Variants in BBX observed in about 807,000 individuals in gnomAD.
BBX encodes the protein HMG box transcription factor BBX.
BBX carries 30 observed loss-of-function variants against 100.2 expected under a neutral mutation model. The ratio of observed to expected loss-of-function variants is 0.30; its 90% confidence interval spans 0.22 to 0.41. The LOEUF is 0.41. BBX is among the 10% of genes least tolerant of loss of function. The probability of loss-of-function intolerance (pLI) is 1.00; values close to 1 mark genes in which losing one functional copy is unlikely to be tolerated. For synonymous variants in BBX, 376 were observed against 388.1 expected, an observed-to-expected ratio of 0.97 and a Z score of 0.37; for missense variants, 1,023 against 1,129.8, an observed-to-expected ratio of 0.91 and a Z score of 1.35.
intron 3 of BBX, among the ~76,000 whole-genome samples, chr3:107,690,892 C>CCCT (rs1553769848): frequency 7.3e-5 from 3 of 41,188 alleles, no homozygotes; most frequent in Non-Finnish European, 1.2e-4. Context: ...GCCCCCCCCC[C>CCCT]TTTTTTTTTT....
intron 3 of BBX, among the ~76,000 whole-genome samples, chr3:107,697,437 G>A (rs998115120): frequency 4.6e-5 from 7 of 151,804 alleles, no homozygotes; most frequent in Middle Eastern, 3.2e-3. Context: ...TCAGCTGCAG[G>A]TCTGTTGGAG....
intron 3 of BBX, among the ~76,000 whole-genome samples, chr3:107,707,680 A>T (rs926745155): frequency 2.0e-5 from 3 of 152,172 alleles, no homozygotes; most frequent in African/African-American, 7.2e-5. Flanking sequence ...GTGGTATGTG[A>T]GCTACGTGGG....
At chr3:107,614,339 AAC>A (rs1429398055) in intron 2 of BBX, among the ~76,000 whole-genome samples, 9 of 152,194 alleles carry the variant, frequency 5.9e-5, no homozygotes, top group African/African-American at 2.2e-4. Context: ...CATAAGAAGT[AAC>A]AGTTATAGTT....
At chr3:107,652,606 A>G (rs2057905188) in intron 3 of BBX, among the ~76,000 whole-genome samples, 1 of 152,196 alleles carries the variant, frequency 6.6e-6, no homozygotes, top group Non-Finnish European at 1.5e-5. Flanking sequence ...CTAGTTGAGG[A>G]CAGTATGAAT....
intron 3 of BBX, among the ~76,000 whole-genome samples, chr3:107,700,251 G>A (rs1451300961): frequency 4.0e-5 from 6 of 151,692 alleles, no homozygotes; most frequent in Non-Finnish European, 8.8e-5. Context: ...GATTGGGAGT[G>A]TGGTGAGGGA....
intron 2 of BBX, among the ~76,000 whole-genome samples, chr3:107,580,322 G>A (rs1472132772): frequency 6.6e-6 from 1 of 151,950 alleles, no homozygotes. Flanking sequence ...CTTTTGGACA[G>A]AATATGAATT....
At chr3:107,630,222 A>G (rs1471834593) in intron 2 of BBX, among the ~76,000 whole-genome samples, 1 of 152,182 alleles carries the variant, frequency 6.6e-6, no homozygotes, top group Non-Finnish European at 1.5e-5. Context: ...ATGTGTGGTT[A>G]TCTGCATATT....
At chr3:107,723,941 G>A (rs1427728001) in intron 5 of BBX, among the ~76,000 whole-genome samples, 2 of 152,156 alleles carry the variant, frequency 1.3e-5, no homozygotes, top group Non-Finnish European at 2.9e-5. Context: ...TGGGATGGCT[G>A]GGTCAAATGG....
chr3:107,736,751 A>G (rs1202898289), intron 7 of BBX, among the ~76,000 whole-genome samples: 4 of 152,144 alleles, frequency 2.6e-5, no homozygotes, highest in Non-Finnish European at 5.9e-5. Context: ...CATGTATACA[A>G]CAACTTGGAT....
At chr3:107,759,542 A>G (rs993438242) in intron 10 of BBX, among the ~76,000 whole-genome samples, 21 of 152,340 alleles carry the variant, frequency 1.4e-4, no homozygotes, top group African/African-American at 4.8e-4. Flanking sequence ...AGGGTCAGAG[A>G]TATCTGAACC....
intron 2 of BBX, among the ~76,000 whole-genome samples, chr3:107,578,970 T>C (rs1047478857): frequency 4.6e-5 from 7 of 152,170 alleles, no homozygotes; most frequent in African/African-American, 1.4e-4. Context: ...GATTTAAATA[T>C]TGGCCCACTA....
intron 3 of BBX, among the ~76,000 whole-genome samples, chr3:107,693,872 C>A (rs1288700551): frequency 7.4e-5 from 11 of 149,144 alleles, no homozygotes; most frequent in African/African-American, 2.3e-4. Flanking sequence ...CTTTTATTTC[C>A]TTGAGCAGTG....
intron 2 of BBX, among the ~76,000 whole-genome samples, chr3:107,547,867 A>G (rs1317312071): frequency 2.0e-5 from 3 of 152,060 alleles, no homozygotes; most frequent in Non-Finnish European, 4.4e-5. Context: ...TGAGTAACTT[A>G]GGTGGAATCA....
At chr3:107,795,613 C>CTTTTTTTTTTT (rs1158136233) in intron 15 of BBX, among the ~76,000 whole-genome samples, 4 of 60,002 alleles carry the variant, frequency 6.7e-5, no homozygotes, top group African/African-American at 1.5e-4. Context: ...CCGACGTAGT[C>CTTTTTTTTTTT]TTTTTTTTTT....
chr3:107,534,545 C>T (rs574450138), intron 2 of BBX, among the ~76,000 whole-genome samples: 9 of 151,892 alleles, frequency 5.9e-5, no homozygotes, highest in African/African-American at 1.9e-4. Flanking sequence ...TAATGTGCAT[C>T]TGTGATACTG....
At chr3:107,669,861 C>T (rs1576265643) in intron 3 of BBX, among the ~76,000 whole-genome samples, 1 of 152,126 alleles carries the variant, frequency 6.6e-6, no homozygotes, top group Non-Finnish European at 1.5e-5. Flanking sequence ...GGTCAAAATT[C>T]ATAGCCAGGC....
intron 13 of BBX, among the ~76,000 whole-genome samples, chr3:107,787,718 G>A (rs981304562): frequency 6.6e-6 from 1 of 152,166 alleles, no homozygotes. Flanking sequence ...TGATGGGCAT[G>A]GGGTTGGCTT....
intron 6 of BBX, among the ~76,000 whole-genome samples, chr3:107,729,260 C>T (rs1327991935): frequency 1.3e-5 from 2 of 152,074 alleles, no homozygotes; most frequent in East Asian, 3.9e-4. Context: ...TTTATGTTCA[C>T]AAAATAGCTT....
intron 2 of BBX, among the ~76,000 whole-genome samples, chr3:107,550,080 C>A (rs1285469796): frequency 6.6e-6 from 1 of 151,938 alleles, no homozygotes; most frequent in African/African-American, 2.4e-5. Context: ...TGAGCATCTC[C>A]TGTATTCTAG....
Sources: gnomAD v4.1 joint callset for allele counts (sites outside exome capture counted in the v4.1 genomes callset) on GRCh38, gnomAD v4.1.1 for gene constraint, MANE v1.5 for transcripts, NCBI Gene and HGNC (gene_info 2026-07-23, HGNC 2026-07-21) for gene names.